CHST9: variants seen among roughly 807,000 people sequenced by gnomAD.
CHST9 encodes GalNAc-4-sulfotransferase 2.
A neutral mutation model predicts 44.4 loss-of-function variants in CHST9; 41 were observed. The observed-to-expected ratio is 0.92, with a 90% CI of 0.72 to 1.20. The LOEUF (loss-of-function observed/expected upper bound fraction) is 1.20, where lower values mean the gene tolerates loss of function less well. CHST9 is among the 50% of genes most tolerant of loss of function. The pLI is 0.00. For missense variants in CHST9, 504 were observed against 516.5 expected, an observed-to-expected ratio of 0.98 and a Z score of 0.23; for synonymous variants, 171 against 178.4, an observed-to-expected ratio of 0.96 and a Z score of 0.33.
At chr18:26,920,852 C>T (rs1433744588) in intron 5 of CHST9, among the ~76,000 whole-genome samples, 1 of 152,176 alleles carries the variant, frequency 6.6e-6, no homozygotes, top group Admixed American at 6.5e-5. Context: ...GTGGAGGCTT[C>T]GTGTTTAACC....
chr18:27,080,341 A>T (rs778035556), intron 2 of CHST9, among the ~76,000 whole-genome samples: 2 of 151,650 alleles, frequency 1.3e-5, no homozygotes, highest in Non-Finnish European at 2.9e-5. Flanking sequence ...CTCCTCTTCT[A>T]CTTGGTTAAC....
chr18:27,096,089 T>C (rs575796789), intron 2 of CHST9, among the ~76,000 whole-genome samples: 1 of 152,228 alleles, frequency 6.6e-6, no homozygotes, highest in East Asian at 1.9e-4. Context: ...GTCATACTCT[T>C]GGACAACAGT....
At position 26,907,550 on chromosome 18, in the gene CHST9, T is replaced by C. The variant is rs1177765146; in HGVS notation, c.*8709A>G. On this transcript the variant is annotated 3_prime_UTR_variant, in exon 6 of 6. Transcript: ENST00000618847. ...GAAGAGAGTCCCCAAGCAGAGAGGG[T>C]AGAGCGAGCTGAATGTGGGATGGTC... The C allele has an allele frequency of 6.6e-6, 1 of 151,830 alleles. No individual in the cohort carries two copies. The highest frequency in any genetic ancestry group is 1.5e-5 in the Non-Finnish European group (1 of 68,216). 9.4% of individuals were successfully genotyped at this position (151,830 alleles called of 1,614,324 possible).
intron 5 of CHST9, among the ~76,000 whole-genome samples, chr18:26,919,839 C>G (rs573696051): frequency 6.6e-6 from 1 of 152,302 alleles, no homozygotes; most frequent in South Asian, 2.1e-4. Flanking sequence ...ACTCCCAACA[C>G]TCTGTGTCTC....
chr18:27,124,775 G>A (rs2058405903), intron 2 of CHST9, among the ~76,000 whole-genome samples: 1 of 152,146 alleles, frequency 6.6e-6, no homozygotes. Context: ...TCTGATTTCT[G>A]TTGATTATTG....
chr18:27,018,432 G>T (rs976177021), intron 4 of CHST9, among the ~76,000 whole-genome samples: 3 of 151,932 alleles, frequency 2.0e-5, no homozygotes, highest in African/African-American at 7.3e-5. Context: ...ATCATATACA[G>T]CCCTTTCCCT....
chr18:27,137,334 G>A lies in CHST9; in HGVS notation c.121+5355C>T, dbSNP rs1349351969. On this transcript the variant is annotated intron_variant, in intron 2 of 5. Transcript: ENST00000618847. ...TGTGTGTGTGTGTGTGTGTGTGTGT[G>A]TGTGTGTGTGTGTGTGTGTGTATAG... is the stretch of plus-strand genomic sequence containing the variant. Among the ~76,000 whole-genome samples the A allele has an allele frequency of 7.7e-4, 112 of 145,834 alleles. 1 individual carries two copies. The highest frequency in any genetic ancestry group is 1.1e-3 in the Non-Finnish European group (77 of 67,548).
chr18:27,155,912 G>A, intron 1 of CHST9, among the ~76,000 whole-genome samples: 1 of 151,958 alleles, frequency 6.6e-6, no homozygotes, highest in East Asian at 1.9e-4. Context: ...GAATAAAGCA[G>A]GTTATATGTT....
intron 2 of CHST9, among the ~76,000 whole-genome samples, chr18:27,106,740 T>C (rs2058224410): frequency 6.6e-6 from 1 of 152,172 alleles, no homozygotes; most frequent in Non-Finnish European, 1.5e-5. Context: ...AAAGCAGAAA[T>C]CATATAATTT....
chr18:27,036,237 C>T (rs568642546), intron 3 of CHST9, among the ~76,000 whole-genome samples: 6 of 152,210 alleles, frequency 3.9e-5, no homozygotes, highest in Admixed American at 3.9e-4. Context: ...AAGAGTCCTG[C>T]TTCATAGGTA....
At chr18:27,151,889 C>A (rs896039177) in intron 1 of CHST9, among the ~76,000 whole-genome samples, 1 of 152,148 alleles carries the variant, frequency 6.6e-6, no homozygotes, top group Non-Finnish European at 1.5e-5. Flanking sequence ...TTTAAGCCAC[C>A]AAATTTGTGA....
At chr18:27,024,815 T>C (rs1169570127) in intron 3 of CHST9, among the ~76,000 whole-genome samples, 3 of 152,088 alleles carry the variant, frequency 2.0e-5, no homozygotes, top group Non-Finnish European at 2.9e-5. Flanking sequence ...GAAAGAAATC[T>C]TAAGGTTTTC....
At chr18:26,963,421 C>T (rs2056425205) in intron 4 of CHST9, among the ~76,000 whole-genome samples, 1 of 151,954 alleles carries the variant, frequency 6.6e-6, no homozygotes, top group South Asian at 2.1e-4. Context: ...AATGTTGGTG[C>T]TTATTACTGA....
intron 4 of CHST9, among the ~76,000 whole-genome samples, chr18:26,977,425 TA>T (rs34131355): frequency 0.39 from 52,323 of 134,478 alleles, 9,681 homozygotes; most frequent in East Asian, 0.69. Context: ...AGGTCACTTG[TA>T]AAAAAAAAAA....
chr18:27,142,191 C>T (rs1330707660), intron 2 of CHST9, among the ~76,000 whole-genome samples: 1 of 152,028 alleles, frequency 6.6e-6, no homozygotes. Flanking sequence ...GATGGTATGG[C>T]CTGCAAAGAG....
At chr18:27,161,558 G>A (rs1178143111) in intron 1 of CHST9, among the ~76,000 whole-genome samples, 6 of 152,148 alleles carry the variant, frequency 3.9e-5, no homozygotes, top group Non-Finnish European at 1.5e-5. Flanking sequence ...GAATAAGTGT[G>A]GTGTGGTGCC....
chr18:27,182,969 T>C (rs887701609), intron 1 of CHST9, among the ~76,000 whole-genome samples: 1 of 152,196 alleles, frequency 6.6e-6, no homozygotes, highest in Non-Finnish European at 1.5e-5. Flanking sequence ...CTGGAAACCA[T>C]ACTAAGTTTC....
chr18:26,917,684 T>C (rs768955862), intron 5 of CHST9, among the ~76,000 whole-genome samples: 2 of 152,114 alleles, frequency 1.3e-5, no homozygotes, highest in Non-Finnish European at 2.9e-5. Context: ...TCAAGTACTG[T>C]TTTAGTTTGT....
chr18:26,985,702 A>C (rs576770072), intron 4 of CHST9, among the ~76,000 whole-genome samples: 1 of 152,232 alleles, frequency 6.6e-6, no homozygotes, highest in African/African-American at 2.4e-5. Flanking sequence ...TGATGAGTAC[A>C]TGCATATGTC....
Sources: allele counts gnomAD v4.1 joint callset (sites outside exome capture counted in the v4.1 genomes callset), GRCh38; gene constraint gnomAD v4.1.1; transcripts MANE v1.5; gene names NCBI Gene and HGNC (gene_info 2026-07-23, HGNC 2026-07-21).